The following ZNF385D variants were observed in gnomAD, a reference collection of about 807,000 sequenced individuals.
ZNF385D encodes the protein zinc finger protein 385D.
Under a neutral mutation model 35.8 loss-of-function variants are expected in ZNF385D, and 15 were observed. The ratio of observed to expected loss-of-function variants is 0.42; its 90% CI spans 0.28 to 0.64. The LOEUF (loss-of-function observed/expected upper bound fraction) is 0.64. Ranked by LOEUF, ZNF385D falls within the 30% of genes least tolerant of loss-of-function variation. ZNF385D has a pLI of 0.23. For synonymous variants in ZNF385D, 212 were observed against 186.8 expected (o/e 1.13, Z -1.10); for missense variants, 474 against 494.6 (o/e 0.96, Z 0.39).
chr3:22,017,855 C>G (rs965988151), intron 3 of ZNF385D, among the ~76,000 whole-genome samples: 1 of 151,794 alleles, frequency 6.6e-6, no homozygotes, highest in African/African-American at 2.4e-5. Flanking sequence ...TGTTTACATA[C>G]GTATTTCATC....
At chr3:22,123,962 C>CTCTATATATATA (rs1491571691) in intron 3 of ZNF385D, among the ~76,000 whole-genome samples, 5 of 61,848 alleles carry the variant, frequency 8.1e-5, no homozygotes, top group African/African-American at 1.2e-4. Context: ...CTCTCTCTCT[C>CTCTATATATATA]TATATATATA....
chr3:22,310,155 T>C (rs892553930), intron 2 of ZNF385D, among the ~76,000 whole-genome samples: 1 of 152,012 alleles, frequency 6.6e-6, no homozygotes, highest in Non-Finnish European at 1.5e-5. Context: ...GGTGACATTA[T>C]AGCATAAAGG....
chr3:21,510,626 C>A (rs1707131733), intron 4 of ZNF385D, among the ~76,000 whole-genome samples: 1 of 152,030 alleles, frequency 6.6e-6, no homozygotes, highest in African/African-American at 2.4e-5. Context: ...ATGACTATTC[C>A]TCTGAAACAG....
chr3:22,176,789 C>T (rs574658625), intron 2 of ZNF385D, among the ~76,000 whole-genome samples: 17 of 152,188 alleles, frequency 1.1e-4, no homozygotes, highest in African/African-American at 4.1e-4. Context: ...CATGAAAGCA[C>T]TAAAATATTT....
At chr3:21,964,743 C>G (rs1404296683) in intron 3 of ZNF385D, among the ~76,000 whole-genome samples, 1 of 151,950 alleles carries the variant, frequency 6.6e-6, no homozygotes, top group Non-Finnish European at 1.5e-5. Flanking sequence ...CCACCTGCCT[C>G]GACCTCCCAA....
At position 21,534,559 on chromosome 3, in the gene ZNF385D, G is replaced by A. The variant is rs183503037; in HGVS notation, c.277-23536C>T. On this transcript the variant is annotated intron_variant, in intron 3 of 7. Coordinates refer to ENST00000281523, the MANE Select transcript of ZNF385D (RefSeq NM_024697.3). ...GTGCTTTTACCCATGCTGCTAACTC[G>A]GATAAGCACAGCTGGGCTGAGGAGA... Among the ~76,000 whole-genome samples, 311 of 152,188 alleles carry A rather than the reference G, an allele frequency of 2.0e-3. 1 individual carries two copies. Among genetic ancestry groups the A allele is most frequent in the African/African-American group, 7.0e-3 (289 of 41,548 alleles).
At chr3:21,948,773 G>C (rs1042409084) in intron 3 of ZNF385D, among the ~76,000 whole-genome samples, 1 of 151,688 alleles carries the variant, frequency 6.6e-6, no homozygotes, top group African/African-American at 2.4e-5. Flanking sequence ...GAAAAATATA[G>C]AACAAAAAAT....
Position 22,036,729 on chromosome 3 carries a change from T to C in ZNF385D, c.325+132088A>G, listed in dbSNP as rs527391268. Among the ~76,000 whole-genome samples, 3 of 145,720 alleles carry C rather than the reference T, an allele frequency of 2.1e-5. No homozygotes were observed. In the South Asian group the frequency reaches 6.4e-4, roughly 31 times the overall value. On this transcript the variant is annotated intron_variant, in intron 3 of 5. Transcript: ENST00000494108. ...ACTAGGTTTTTTTTTTTTTTTTTTA[T>C]ACTCTAAGTTTTAGGGTACATGTGC...
intron 2 of ZNF385D, among the ~76,000 whole-genome samples, chr3:22,371,012 G>A (rs1246263552): frequency 6.6e-6 from 1 of 152,084 alleles, no homozygotes; most frequent in Non-Finnish European, 1.5e-5. Flanking sequence ...CTACATTTTA[G>A]CTCCATGAAG....
chr3:22,163,763 T>G (rs1319407163), intron 3 of ZNF385D, among the ~76,000 whole-genome samples: 1 of 152,234 alleles, frequency 6.6e-6, no homozygotes, highest in Non-Finnish European at 1.5e-5. Flanking sequence ...CCATATTTAA[T>G]TATTTTCCAT....
At chr3:22,234,830 T>C (rs1276794986) in intron 2 of ZNF385D, among the ~76,000 whole-genome samples, 1 of 152,048 alleles carries the variant, frequency 6.6e-6, no homozygotes, top group Non-Finnish European at 1.5e-5. Flanking sequence ...TTGTGAATGC[T>C]CAATAAAATA....
chr3:21,787,562 G>C (rs555150166), intron 3 of ZNF385D, among the ~76,000 whole-genome samples: 1 of 152,120 alleles, frequency 6.6e-6, no homozygotes, highest in Non-Finnish European at 1.5e-5. Context: ...AGATTCCAGA[G>C]AAAGGCCGTT....
At chr3:21,956,314 T>G (rs1219801044) in intron 3 of ZNF385D, among the ~76,000 whole-genome samples, 2 of 152,130 alleles carry the variant, frequency 1.3e-5, no homozygotes, top group Non-Finnish European at 2.9e-5. Flanking sequence ...CCCCACCTGC[T>G]GTATAGGGGC....
At chr3:21,687,977 C>A (rs1418863561) in intron 1 of ZNF385D, among the ~76,000 whole-genome samples, 2 of 152,000 alleles carry the variant, frequency 1.3e-5, no homozygotes, top group Non-Finnish European at 2.9e-5. Context: ...TTACTGCAAG[C>A]TCGAGCTCCT....
intron 2 of ZNF385D, among the ~76,000 whole-genome samples, chr3:21,569,527 CTG>C (rs1434012989): frequency 6.6e-6 from 1 of 150,772 alleles, no homozygotes; most frequent in African/African-American, 2.5e-5. Flanking sequence ...ATTTGCCAGT[CTG>C]TGTCTTTTAA....
At chr3:22,296,630 T>C (rs1381855670) in intron 2 of ZNF385D, among the ~76,000 whole-genome samples, 1 of 152,106 alleles carries the variant, frequency 6.6e-6, no homozygotes, top group Admixed American at 6.6e-5. Context: ...CTGAGTTAGA[T>C]ACTGAAGGAC....
At chr3:21,909,386 C>G (rs1215493794) in intron 3 of ZNF385D, among the ~76,000 whole-genome samples, 1 of 152,032 alleles carries the variant, frequency 6.6e-6, no homozygotes, top group African/African-American at 2.4e-5. Context: ...TCCACCATGT[C>G]AGGGTGGGAA....
intron 3 of ZNF385D, among the ~76,000 whole-genome samples, chr3:21,987,831 C>T (rs1576092381): frequency 7.9e-6 from 1 of 126,568 alleles, no homozygotes; most frequent in Non-Finnish European, 1.6e-5. Context: ...TTGGTCTTTT[C>T]ACATAGTCCC....
intron 2 of ZNF385D, among the ~76,000 whole-genome samples, chr3:22,327,318 A>G (rs1435964417): frequency 3.3e-5 from 5 of 152,176 alleles, no homozygotes; most frequent in Non-Finnish European, 7.3e-5. Context: ...TTTCTGTAAA[A>G]TAAGAAATGT....
Sources: allele counts gnomAD v4.1 joint callset (sites outside exome capture counted in the v4.1 genomes callset), GRCh38; gene constraint gnomAD v4.1.1; transcripts MANE v1.5; gene names NCBI Gene and HGNC (gene_info 2026-07-23, HGNC 2026-07-21).